ARMC3: variants seen among roughly 807,000 people sequenced by gnomAD.
The protein encoded by ARMC3 is armadillo repeat-containing protein 3.
Under a neutral mutation model 90.3 loss-of-function variants are expected in ARMC3, and 74 were observed. The ratio of observed to expected loss-of-function variants is 0.82; its 90% CI spans 0.68 to 0.99. ARMC3 has a LOEUF of 0.99. Ranked by LOEUF, ARMC3 falls within the 50% of genes least tolerant of loss-of-function variation. ARMC3 has a pLI of 0.00. For missense variants in ARMC3, 958 were observed against 1,042.8 expected, an observed-to-expected ratio of 0.92 and a Z score of 1.12; for synonymous variants, 334 against 361.8, an observed-to-expected ratio of 0.92 and a Z score of 0.87.
chr10:23,004,359 C>T (rs1837474162), intron 13 of ARMC3, among the ~76,000 whole-genome samples: 3 of 151,968 alleles, frequency 2.0e-5, no homozygotes, highest in African/African-American at 2.4e-5. Context: ...ATATGATCTG[C>T]AGACTTCAAA....
chr10:22,928,790 C>T (rs1225229327), intron 1 of ARMC3, among the ~76,000 whole-genome samples: 1 of 152,130 alleles, frequency 6.6e-6, no homozygotes, highest in African/African-American at 2.4e-5. Flanking sequence ...TGCTAATCCA[C>T]TGGAGATTAT....
chr10:23,023,722 A>T (rs1838601035), intron 16 of ARMC3, among the ~76,000 whole-genome samples: 1 of 152,206 alleles, frequency 6.6e-6, no homozygotes, highest in African/African-American at 2.4e-5. Context: ...CACTGGAAGG[A>T]TACAATAATA....
chr10:23,027,992 A>G (rs930763133), intron 16 of ARMC3, among the ~76,000 whole-genome samples: 3 of 152,172 alleles, frequency 2.0e-5, no homozygotes, highest in African/African-American at 7.2e-5. Flanking sequence ...AAATAAAAAA[A>G]TTAGCTAAGC....
intron 17 of ARMC3, 40 bp downstream of exon 17, chr10:23,030,836 A>C (rs765800184): frequency 5.0e-6 from 8 of 1,593,540 alleles, no homozygotes; most frequent in Non-Finnish European, 6.8e-6. Context: ...AATTTCTGAA[A>C]AAATTTTAGT....
intron 3 of ARMC3, among the ~76,000 whole-genome samples, chr10:22,952,705 A>G (rs1834780756): frequency 6.6e-6 from 1 of 151,294 alleles, no homozygotes; most frequent in South Asian, 2.1e-4. Flanking sequence ...TAAAGGCCCA[A>G]ACAGCAAAAG....
intron 2 of ARMC3, among the ~76,000 whole-genome samples, chr10:22,943,165 C>G (rs920211958): frequency 3.3e-5 from 5 of 152,156 alleles, no homozygotes; most frequent in East Asian, 3.8e-4. Context: ...GGAAGAAATA[C>G]CTAATAACAC....
rs1362876888 is a variant in ARMC3, at chr10:22,952,060, G to A, written c.167-3747G>A. Reference sequence around the variant, plus strand: ...GAATCTCTTGAACCAGGGAGGTGGAGGTTGCAGTGAACTGAGATCATGCCA... The same window carrying A: ...GAATCTCTTGAACCAGGGAGGTGGAAGTTGCAGTGAACTGAGATCATGCCA... On this transcript the variant is annotated intron_variant, in intron 3 of 18. Transcript: ENST00000298032. Among the ~76,000 whole-genome samples the A allele has an allele frequency of 3.9e-5, 6 of 152,230 alleles. No individual in the cohort carries two copies. In the East Asian group the frequency reaches 9.7e-4, roughly 24 times the overall value.
intron 8 of ARMC3, among the ~76,000 whole-genome samples, chr10:22,974,432 T>C (rs1051147810): frequency 4.6e-5 from 7 of 152,224 alleles, no homozygotes; most frequent in Non-Finnish European, 8.8e-5. Flanking sequence ...CATCATGTTT[T>C]ATGTTTTATG....
At chr10:22,954,674 G>GAA (rs530210965) in intron 3 of ARMC3, among the ~76,000 whole-genome samples, 4 of 89,068 alleles carry the variant, frequency 4.5e-5, no homozygotes, top group Non-Finnish European at 4.9e-5. Flanking sequence ...CCTGTCTCAA[G>GAA]AAAAAAAAAA....
At position 23,006,947 on chromosome 10, in the gene ARMC3, C is replaced by A; in HGVS notation, c.1795C>A (p.Arg599=). 4 of 1,613,152 alleles carry A rather than the reference C, an allele frequency of 2.5e-6. No individual in the cohort carries two copies. The highest frequency in any genetic ancestry group is 3.4e-6 in the Non-Finnish European group (4 of 1,179,646). Reference sequence around the variant, plus strand: ...CTGCTTACAAGAACCAAGTGACCTACGGGCTGTACTCTTAATCAACAGTAA... The same window carrying A: ...CTGCTTACAAGAACCAAGTGACCTAAGGGCTGTACTCTTAATCAACAGTAA... ...ELCLQEPSDL[R]AVLLINSKSY... Residue 599 remains arginine (R), a synonymous_variant, in exon 14 of 19, where the codon CGG becomes AGG. Transcript: ENST00000298032.
At position 22,981,581 on chromosome 10, in the gene ARMC3, T is replaced by C; in HGVS notation, c.1070-14T>C. 6.2e-7 allele frequency: 1 copy of C among 1,614,022 alleles called. No homozygotes were observed. The highest frequency in any genetic ancestry group is 8.5e-7 in the Non-Finnish European group (1 of 1,179,910). ...CATTTTAAAAGTCACATTTTTACCT[T>C]TCTCTTTCTGTAGGGATTCCACAGT... On this transcript the variant is annotated splice_polypyrimidine_tract_variant and intron_variant, in intron 9 of 18. Transcript: ENST00000298032.
chr10:22,966,308 T>TAA (rs1835436720), intron 7 of ARMC3, among the ~76,000 whole-genome samples: 2 of 152,362 alleles, frequency 1.3e-5, no homozygotes, highest in East Asian at 3.9e-4. Flanking sequence ...TTCAGCATTC[T>TAA]GCCAAATGAG....
intron 1 of ARMC3, among the ~76,000 whole-genome samples, chr10:22,931,254 A>G (rs1833920071): frequency 6.6e-6 from 1 of 152,032 alleles, no homozygotes; most frequent in Non-Finnish European, 1.5e-5. Context: ...CAGGCTGGTT[A>G]CTCCTCTGTG....
At chr10:22,997,168 A>G (rs1241315930) in intron 10 of ARMC3, 1 of 152,208 alleles carries the variant, frequency 6.6e-6, no homozygotes, top group Non-Finnish European at 1.5e-5. Context: ...GAACATAACT[A>G]AAGTATCTTC....
chr10:23,034,124 G>A (rs1370909441), intron 18 of ARMC3, among the ~76,000 whole-genome samples: 1 of 151,504 alleles, frequency 6.6e-6, no homozygotes, highest in Non-Finnish European at 1.5e-5. Context: ...CTATTCCCTT[G>A]GATTTCCTAT....
chr10:23,011,462 T>C (rs1177469020), intron 16 of ARMC3, among the ~76,000 whole-genome samples: 1 of 152,190 alleles, frequency 6.6e-6, no homozygotes, highest in Non-Finnish European at 1.5e-5. Flanking sequence ...ACTCAACCAG[T>C]GTCAGTTTCT....
intron 16 of ARMC3, among the ~76,000 whole-genome samples, chr10:23,029,053 G>A (rs1808889095): frequency 6.6e-6 from 1 of 152,100 alleles, no homozygotes; most frequent in Non-Finnish European, 1.5e-5. Context: ...GCAATTTTAG[G>A]CTCTTATAGG....
intron 1 of ARMC3, among the ~76,000 whole-genome samples, chr10:22,929,906 A>T (rs932955746): frequency 6.6e-6 from 1 of 152,176 alleles, no homozygotes. Context: ...ACACTCTATC[A>T]TTGCAATACT....
chr10:22,969,980 G>T (rs137907783), intron 8 of ARMC3, among the ~76,000 whole-genome samples: 1 of 152,052 alleles, frequency 6.6e-6, no homozygotes, highest in Non-Finnish European at 1.5e-5. Context: ...GCATTGTAAC[G>T]ACCTACTTAA....
Sources: gnomAD v4.1 joint callset for allele counts (sites outside exome capture counted in the v4.1 genomes callset) on GRCh38, gnomAD v4.1.1 for gene constraint, MANE v1.5 for transcripts, NCBI Gene and HGNC (gene_info 2026-07-23, HGNC 2026-07-21) for gene names.